The following ARFGEF3 variants were observed in gnomAD, a reference collection of about 807,000 sequenced individuals.
The protein encoded by ARFGEF3 is ARFGEF family member 3, also known as brefeldin A-inhibited guanine nucleotide-exchange protein 3.
ARFGEF3 carries 96 observed loss-of-function variants against 221.7 expected under a neutral mutation model. That is an observed-to-expected ratio of 0.43 (90% CI 0.37 to 0.51). The LOEUF is 0.51. Ranked by LOEUF, ARFGEF3 falls within the 20% of genes least tolerant of loss-of-function variation. ARFGEF3 has a pLI of 0.00. For missense variants in ARFGEF3, 2,410 were observed against 2,789.9 expected, an observed-to-expected ratio of 0.86 and a Z score of 3.07; for synonymous variants, 1,145 against 1,126.8, an observed-to-expected ratio of 1.02 and a Z score of -0.32.
In ARFGEF3 at chr6:138,335,009, G is replaced by C. The variant is rs1161846241; in HGVS notation, c.6163G>C (p.Gly2055Arg). Residue 2055 changes from glycine to arginine, a missense_variant, in exon 33 of 34, where the codon GGT becomes CGT. Around this residue, in one of 5 missense-constraint regions of ARFGEF3, gnomAD observed 339 missense variants for 334.9 expected, o/e 1.01. Coordinates refer to ENST00000251691, the MANE Select transcript of ARFGEF3 (RefSeq NM_020340.5). ...AGTGGAGAAGAAAGGAGAGCCACTG[G>C]GTCCCAGGGGCCAGGACTCCCCGCT... ...VKVEKKGEPL[G>R]PRGQDSPLLQ... 6.3e-7 allele frequency: 1 copy of C among 1,588,578 alleles called. No homozygotes were observed. Among genetic ancestry groups the C allele is most frequent in the Non-Finnish European group, 8.6e-7 (1 of 1,168,234 alleles).
chr6:138,251,439 T>C (rs886226623), intron 8 of ARFGEF3, among the ~76,000 whole-genome samples: 1 of 152,224 alleles, frequency 6.6e-6, no homozygotes, highest in Admixed American at 6.5e-5. Context: ...ATTTTTTAAA[T>C]ATGGCTTACA....
chr6:138,204,248 G>C (rs768511204), intron 2 of ARFGEF3, among the ~76,000 whole-genome samples: 14 of 147,280 alleles, frequency 9.5e-5, no homozygotes, highest in Non-Finnish European at 1.9e-4. Flanking sequence ...TGAGGCAGGA[G>C]AGTTGCTTGA....
intron 4 of ARFGEF3, among the ~76,000 whole-genome samples, chr6:138,212,003 T>C (rs1777737132): frequency 6.6e-6 from 1 of 152,202 alleles, no homozygotes; most frequent in Non-Finnish European, 1.5e-5. Flanking sequence ...AATGAATCTG[T>C]CAGTCTTTAC....
At chr6:138,195,097 G>A (rs1255536887) in intron 2 of ARFGEF3, among the ~76,000 whole-genome samples, 1 of 139,082 alleles carries the variant, frequency 7.2e-6, no homozygotes, top group Admixed American at 8.0e-5. Flanking sequence ...CTGCCTCCCA[G>A]GTTCAAGCGA....
rs1780333206 is a variant in ARFGEF3 at position 138,336,745 on chromosome 6, T to A, written c.*259T>A. 1 of 284,384 alleles carries A rather than the reference T, an allele frequency of 3.5e-6. No individual in the cohort carries two copies. The highest frequency in any genetic ancestry group is 6.5e-6 in the Non-Finnish European group (1 of 154,888). 17.6% of individuals were successfully genotyped at this position (284,384 alleles called of 1,614,324 possible). A position where few individuals can be genotyped will look rare whatever the true frequency, so the allele number is the denominator to read the frequency against. On this transcript the variant is annotated 3_prime_UTR_variant, in exon 34 of 34. Coordinates refer to ENST00000251691, the MANE Select transcript of ARFGEF3 (RefSeq NM_020340.5). ...GAATCTATAATCCTTGATATGTTTC[T>A]AACTCTTGAAGTATATTTCCCAGTG...
At chr6:138,299,198 T>TAAAAAA (rs60475752) in intron 22 of ARFGEF3, among the ~76,000 whole-genome samples, 6 of 39,438 alleles carry the variant, frequency 1.5e-4, no homozygotes, top group African/African-American at 3.8e-4. Context: ...CGAGACTCTG[T>TAAAAAA]AAAAAAAAAA....
At chr6:138,170,872 A>G (rs541606498) in intron 2 of ARFGEF3, among the ~76,000 whole-genome samples, 159 bp downstream of exon 2, 2 of 152,340 alleles carry the variant, frequency 1.3e-5, no homozygotes, top group African/African-American at 4.8e-5. Flanking sequence ...TTATTAGTTC[A>G]TGGTTCTGGA....
chr6:138,329,785 A>C (rs1342489905), intron 32 of ARFGEF3, among the ~76,000 whole-genome samples: 1 of 152,170 alleles, frequency 6.6e-6, no homozygotes, highest in African/African-American at 2.4e-5. Flanking sequence ...TGATGTGGTT[A>C]CGCCTATCCC....
chr6:138,229,671 G>A (rs1778153798), intron 4 of ARFGEF3, 113 bp from the exon 5 acceptor site: 1 of 795,804 alleles, frequency 1.3e-6, no homozygotes, highest in Non-Finnish European at 2.1e-6. Context: ...ATTAGGTAAA[G>A]CAAATAGCAA....
intron 16 of ARFGEF3, 78 bp downstream of exon 16, chr6:138,286,994 G>T (rs1321873341): frequency 2.5e-6 from 4 of 1,574,110 alleles, no homozygotes; most frequent in Non-Finnish European, 3.5e-6. Context: ...GGGGCAGGGG[G>T]ACCCTTTAGA....
chr6:138,336,586 T>C lies in ARFGEF3; in HGVS notation c.*100T>C. 1 of 926,584 alleles carries C rather than the reference T, an allele frequency of 1.1e-6. No homozygotes were observed. The highest frequency in any genetic ancestry group is 1.9e-5 in the South Asian group (1 of 52,568). The allele number at this position is 926,584 out of a possible 1,614,324, so 57.4% of individuals were successfully genotyped here. ...TCCCCACCACTAGCCCCACTTAAAC[T>C]ACTACTACTGTCTCAGAGAACAGTG... On this transcript the variant is annotated 3_prime_UTR_variant, in exon 34 of 34. Transcript: ENST00000251691.
intron 2 of ARFGEF3, among the ~76,000 whole-genome samples, chr6:138,181,424 G>T (rs1438672232): frequency 6.6e-6 from 1 of 152,032 alleles, no homozygotes; most frequent in African/African-American, 2.4e-5. Flanking sequence ...TGTTTCTTAG[G>T]CTTCTTCATT....
Position 138,298,018 on chromosome 6 carries a change from A to C in ARFGEF3, c.3649-588A>C, listed in dbSNP as rs924816496. On this transcript the variant is annotated intron_variant, in intron 21 of 33. Transcript: ENST00000251691. ...TGGCATTCTTAGGGTTCCAAAGAGC[A>C]ACAACAGGGCAAACCCCAAATCACA... Among the ~76,000 whole-genome samples the C allele has an allele frequency of 3.3e-5, 5 of 152,356 alleles. 1 individual carries two copies. In the South Asian group the frequency reaches 1.0e-3, roughly 32 times the overall value.
At chr6:138,177,866 T>A (rs1312833162) in intron 2 of ARFGEF3, among the ~76,000 whole-genome samples, 4 of 152,098 alleles carry the variant, frequency 2.6e-5, no homozygotes, top group Admixed American at 1.3e-4. Flanking sequence ...CATGAATTGA[T>A]TTTCTGATTT....
rs145985244 is a variant in ARFGEF3 at position 138,292,728 on chromosome 6, T to G, written c.3368+675T>G. On this transcript the variant is annotated intron_variant, in intron 19 of 33. Transcript: ENST00000251691. ...GGAGGAGCACTCCCTGGGCCAGGACTCAGATTGACCTGAGTTCCTGTCCTG... is the reference window on the plus strand; with the variant it reads ...GGAGGAGCACTCCCTGGGCCAGGACGCAGATTGACCTGAGTTCCTGTCCTG... Among the ~76,000 whole-genome samples, 1,302 of 152,290 alleles carry G rather than the reference T, an allele frequency of 8.5e-3. 25 individuals are homozygous for G. The highest frequency in any genetic ancestry group is 0.031 in the African/African-American group (1,268 of 41,546).
chr6:138,219,945 C>T (rs111985232), intron 4 of ARFGEF3, among the ~76,000 whole-genome samples: 21 of 152,250 alleles, frequency 1.4e-4, no homozygotes, highest in African/African-American at 4.8e-4. Context: ...ATCATATCTA[C>T]TTATGTGTTT....
At position 138,334,861 on chromosome 6, in the gene ARFGEF3, G is replaced by T. The variant is rs1309975558; in HGVS notation, c.6015G>T (p.Trp2005Cys). 1.3e-6 allele frequency: 2 copies of T among 1,593,510 alleles called. No individual in the cohort carries two copies. The highest frequency in any genetic ancestry group is 2.7e-5 in the African/African-American group (2 of 73,970). Residue 2005 changes from tryptophan to cysteine, a missense_variant, in exon 33 of 34, where the codon TGG becomes TGT. Trp to Cys is a radical substitution (Grantham distance 215). Transcript: ENST00000251691. The surrounding 1 kb of genome is among the most constrained non-coding windows in gnomAD (Gnocchi z 5.1). ...AGGATCCCAGCCGGAAGAAGGAGTG[G>T]TGGGAGAATGCGGGGAACAAAATCT... ...EKKDPSRKKE[W>C]WENAGNKIYT...
At chr6:138,335,246 G>GC (rs911206154) in intron 33 of ARFGEF3, 58 bp downstream of exon 33, 135 of 1,456,892 alleles carry the variant, frequency 9.3e-5, no homozygotes, top group Middle Eastern at 2.4e-4. Context: ...TACTGGATGG[G>GC]CCCCCCCTTG....
chr6:138,240,683 C>A (rs367642591), intron 6 of ARFGEF3, among the ~76,000 whole-genome samples: 3 of 152,256 alleles, frequency 2.0e-5, no homozygotes, highest in East Asian at 3.9e-4. Context: ...ATTACTCATG[C>A]GGTCCCTGGA....
Sources: allele counts gnomAD v4.1 joint callset (sites outside exome capture counted in the v4.1 genomes callset), GRCh38; gene constraint gnomAD v4.1.1; regional missense constraint gnomAD v4.1.1; non-coding constraint Gnocchi (gnomAD v3.1); transcripts MANE v1.5; gene names NCBI Gene and HGNC (gene_info 2026-07-23, HGNC 2026-07-21).